SRCIN1: variants seen among roughly 807,000 people sequenced by gnomAD.
SRCIN1 encodes the protein P130Cas-associated protein.
A neutral mutation model predicts 116.2 loss-of-function variants in SRCIN1; 50 were observed. The ratio of observed to expected loss-of-function variants is 0.43; its 90% confidence interval spans 0.34 to 0.54. The LOEUF is 0.54. Among genes scored for constraint, SRCIN1 ranks in the 20% least tolerant of loss-of-function variants. The pLI is 0.02. For missense variants in SRCIN1, 1,446 were observed against 1,672.0 expected, an observed-to-expected ratio of 0.86 and a Z score of 2.36; for synonymous variants, 736 against 750.0, an observed-to-expected ratio of 0.98 and a Z score of 0.30.
At chr17:38,595,032 T>G (rs1908648615) in intron 1 of SRCIN1, among the ~76,000 whole-genome samples, 1 of 152,056 alleles carries the variant, frequency 6.6e-6, no homozygotes, top group South Asian at 2.1e-4. Context: ...CAAAACAGCT[T>G]CCAGCAGGGG....
intron 2 of SRCIN1, among the ~76,000 whole-genome samples, chr17:38,575,266 T>C (rs1467119040): frequency 6.6e-6 from 1 of 152,172 alleles, no homozygotes; most frequent in Non-Finnish European, 1.5e-5. Flanking sequence ...TTTATTTTTT[T>C]TGAGACAGGT....
chr17:38,588,236 G>A (rs1306263580), intron 1 of SRCIN1, among the ~76,000 whole-genome samples: 2 of 152,172 alleles, frequency 1.3e-5, no homozygotes, highest in Non-Finnish European at 2.9e-5. Context: ...AGGACTGTGG[G>A]GTTGTGATTT....
chr17:38,548,453 C>T (rs950175047), intron 17 of SRCIN1, 104 bp downstream of exon 17: 7 of 1,431,674 alleles, frequency 4.9e-6, no homozygotes, highest in East Asian at 2.3e-5. Context: ...GCAGGGAGCC[C>T]GAGAGCCCAT....
At chr17:38,549,574 G>A (rs370285825) in intron 15 of SRCIN1, among the ~76,000 whole-genome samples, 68 of 152,274 alleles carry the variant, frequency 4.5e-4, no homozygotes, top group Non-Finnish European at 8.4e-4. Flanking sequence ...TTAGAGAGGC[G>A]CTGCTCTAAC....
Position 38,563,032 on chromosome 17 carries a change from C to G in SRCIN1, c.741-112G>C. On this transcript the variant is annotated intron_variant, in intron 5 of 18. Transcript: ENST00000617146. This position sits in a 1 kb window ranked among gnomAD's most constrained non-coding sequence, Gnocchi z 5.8. The stretch of plus-strand genomic sequence containing the variant: ...GGGGTGGCCAGAGGCACCGGGAGCC[C>G]CATCTCAGGCTGCCTGCACACACGC... The G allele has an allele frequency of 1.1e-6, 1 of 930,504 alleles. No homozygotes were observed. Among genetic ancestry groups the G allele is most frequent in the South Asian group, 1.5e-5 (1 of 68,086 alleles). The allele number at this position is 930,504 out of a possible 1,614,324, so 57.6% of individuals were successfully genotyped here.
chr17:38,579,692 A>G (rs1907670383), intron 1 of SRCIN1, among the ~76,000 whole-genome samples: 1 of 152,120 alleles, frequency 6.6e-6, no homozygotes. Flanking sequence ...AAGAAAGAGA[A>G]GGCCGGGGGT....
At position 38,572,917 on chromosome 17, in the gene SRCIN1, C is replaced by T. The variant is rs990849766; in HGVS notation, c.325-4686G>A. The T allele has an allele frequency of 1.3e-5, 2 of 151,590 alleles. No homozygotes were observed. Among genetic ancestry groups the T allele is most frequent in the Admixed American group, 1.3e-4 (2 of 15,168 alleles). 9.4% of individuals were successfully genotyped at this position (151,590 alleles called of 1,614,324 possible). Reference sequence around the variant, plus strand: ...CGGCGCTGCGCGCCGCCGTGCACATCCCCTCTCGCGGCCCCCTCCCTCGGC... The same window carrying T: ...CGGCGCTGCGCGCCGCCGTGCACATTCCCTCTCGCGGCCCCCTCCCTCGGC... On this transcript the variant is annotated intron_variant, in intron 2 of 18. Coordinates refer to ENST00000617146, the MANE Select transcript of SRCIN1 (RefSeq NM_025248.3). This position sits in a 1 kb window ranked among gnomAD's most constrained non-coding sequence, Gnocchi z 4.3.
intron 1 of SRCIN1, among the ~76,000 whole-genome samples, chr17:38,583,380 C>T (rs1332890682): frequency 6.6e-6 from 1 of 152,042 alleles, no homozygotes; most frequent in Non-Finnish European, 1.5e-5. Context: ...CACCCAGCCT[C>T]ATTAATTTAC....
rs1491167356 is a variant in SRCIN1, at chr17:38,564,364, C to CG, written c.346-52_346-51insC. On this transcript the variant is annotated intron_variant, in intron 3 of 18. Transcript: ENST00000617146. ...GAACCAAGGATGAGCACCCCCCCTC[C>CG]CCTTTGCTTGTCACTGCCCATATCC... 8 of 1,471,100 alleles carry CG rather than the reference C, an allele frequency of 5.4e-6. No individual in the cohort carries two copies. In the East Asian group the frequency reaches 1.7e-4, roughly 32 times the overall value. The allele number at this position is 1,471,100 out of a possible 1,614,324, so 91.1% of individuals were successfully genotyped here. A position where few individuals can be genotyped will look rare whatever the true frequency, so the allele number is the denominator to read the frequency against.
chr17:38,593,822 C>G (rs1236734693), intron 1 of SRCIN1, among the ~76,000 whole-genome samples: 1 of 152,168 alleles, frequency 6.6e-6, no homozygotes, highest in Non-Finnish European at 1.5e-5. Context: ...AGGGGCTGAC[C>G]CCGGTGTCCA....
Position 38,600,686 on chromosome 17 carries a change from C to T in SRCIN1, c.22+4998G>A, listed in dbSNP as rs923018356. Reference sequence around the variant, plus strand: ...CCTGGAGGGTGCACAGCCTCAAGCCCCTCTGCCGGCTGCAGTATCAGGCCT... The same window carrying T: ...CCTGGAGGGTGCACAGCCTCAAGCCTCTCTGCCGGCTGCAGTATCAGGCCT... On this transcript the variant is annotated intron_variant, in intron 1 of 18. Transcript: ENST00000617146. Among the ~76,000 whole-genome samples, 4 of 152,214 alleles carry T rather than the reference C, an allele frequency of 2.6e-5. No homozygotes were observed. The South Asian group carries it at 8.3e-4, about 31-fold the overall frequency.
At chr17:38,560,154 G>T in intron 8 of SRCIN1, 57 bp from the exon 9 acceptor site, 1 of 1,470,494 alleles carries the variant, frequency 6.8e-7, no homozygotes, top group Non-Finnish European at 9.1e-7. Flanking sequence ...GACCTTCAGA[G>T]CTGGGTGGAA....
At chr17:38,567,849 G>C (rs1906823466) in intron 3 of SRCIN1, among the ~76,000 whole-genome samples, 1 of 152,324 alleles carries the variant, frequency 6.6e-6, no homozygotes, top group East Asian at 1.9e-4. Context: ...ATTCAAAGAA[G>C]AGGGCCCACA....
In SRCIN1 at chr17:38,549,043, G is replaced by A. The variant is rs1473428705; in HGVS notation, c.3117+13C>T. Reference sequence around the variant, plus strand: ...TCAGTCCCCTGGCCCTCTGTCTGAGGTGGGAGTGGTACCTTGATGAAGGCC... The same window carrying A: ...TCAGTCCCCTGGCCCTCTGTCTGAGATGGGAGTGGTACCTTGATGAAGGCC... On this transcript the variant is annotated intron_variant, in intron 16 of 18. Transcript: ENST00000617146. 6.2e-7 allele frequency: 1 copy of A among 1,613,244 alleles called. No individual in the cohort carries two copies. Among genetic ancestry groups the A allele is most frequent in the Non-Finnish European group, 8.5e-7 (1 of 1,179,654 alleles).
In SRCIN1 at chr17:38,544,107, C is replaced by G; in HGVS notation, c.3271-138G>C. ...GAGACCTGGAGACCCCTCTCTAGCT[C>G]CACACCCGAGTCCAGAACCCAGGTC... On this transcript the variant is annotated intron_variant, in intron 17 of 18. Coordinates refer to ENST00000617146, the MANE Select transcript of SRCIN1 (RefSeq NM_025248.3). This position sits in a 1 kb window ranked among gnomAD's most constrained non-coding sequence, Gnocchi z 4.5. 1 of 1,082,076 alleles carries G rather than the reference C, an allele frequency of 9.2e-7. No individual in the cohort carries two copies. Among genetic ancestry groups the G allele is most frequent in the Non-Finnish European group, 1.3e-6 (1 of 778,574 alleles). The allele number at this position is 1,082,076 out of a possible 1,614,324, so 67.0% of individuals were successfully genotyped here.
At chr17:38,581,991 T>C (rs62075734) in intron 1 of SRCIN1, among the ~76,000 whole-genome samples, 2,902 of 152,258 alleles carry the variant, frequency 0.019, 39 homozygotes, top group Non-Finnish European at 0.028. Flanking sequence ...CCAAGAGCCT[T>C]TCCTTTGCCC....
chr17:38,556,300 C>G (rs1003194265), intron 11 of SRCIN1, among the ~76,000 whole-genome samples: 1 of 152,270 alleles, frequency 6.6e-6, no homozygotes. Context: ...TGACCGCACA[C>G]GTGGCATACC....
At chr17:38,598,078 C>G (rs1362323883) in intron 1 of SRCIN1, among the ~76,000 whole-genome samples, 1 of 152,058 alleles carries the variant, frequency 6.6e-6, no homozygotes, top group Non-Finnish European at 1.5e-5. Flanking sequence ...CCCATAGTGC[C>G]CAGGTAGAGG....
intron 18 of SRCIN1, among the ~76,000 whole-genome samples, chr17:38,534,374 GC>G (rs2144876410): frequency 6.6e-6 from 1 of 152,318 alleles, no homozygotes; most frequent in African/African-American, 2.4e-5. Context: ...TTAAGCAGGT[GC>G]CCCAGGTGCC....
Sources: allele counts gnomAD v4.1 joint callset (sites outside exome capture counted in the v4.1 genomes callset), GRCh38; gene constraint gnomAD v4.1.1; non-coding constraint Gnocchi (gnomAD v3.1); transcripts MANE v1.5; gene names NCBI Gene and HGNC (gene_info 2026-07-23, HGNC 2026-07-21).